Variants in PRKCG observed in about 807,000 individuals in gnomAD.
The protein encoded by PRKCG is protein kinase C gamma type.
Under a neutral mutation model 82.0 loss-of-function variants are expected in PRKCG, and 28 were observed. The ratio of observed to expected loss-of-function variants is 0.34; its 90% CI spans 0.25 to 0.47. The LOEUF (loss-of-function observed/expected upper bound fraction) is 0.47, where lower values mean the gene tolerates loss of function less well. Ranked by LOEUF, PRKCG falls within the 20% of genes least tolerant of loss-of-function variation. PRKCG has a pLI of 1.00. For missense variants in PRKCG, 640 were observed against 952.7 expected (o/e 0.67, Z 4.32); for synonymous variants, 383 against 376.6 (o/e 1.02, Z -0.20).
At chr19:53,901,215 G>C (rs73056747) in intron 14 of PRKCG, among the ~76,000 whole-genome samples, 12,470 of 152,110 alleles carry the variant, frequency 0.082, 1,351 homozygotes, top group African/African-American at 0.24. Context: ...TTTCTCTGAT[G>C]TAAGTGTACT....
chr19:53,902,815 G>A (rs926846140), intron 14 of PRKCG, among the ~76,000 whole-genome samples: 4 of 145,290 alleles, frequency 2.8e-5, no homozygotes, highest in African/African-American at 1.0e-4. Context: ...AATTACCTGA[G>A]CCTGGGAAGT....
intron 9 of PRKCG, 108 bp downstream of exon 9, chr19:53,893,499 C>G (rs2068695454): frequency 1.6e-6 from 2 of 1,220,362 alleles, no homozygotes; most frequent in South Asian, 2.4e-5. Context: ...GTTGAGCACA[C>G]ATTTGTGCTA....
rs765595350 is a variant in PRKCG at position 53,889,763 on chromosome 19, G to T, written c.397+14G>T. The T allele has an allele frequency of 3.1e-6, 5 of 1,612,088 alleles. No homozygotes were observed. The Admixed American group carries it at 8.4e-5, about 27-fold the overall frequency. ...TGAAATGCTCCTGTGAGTGACCTGG[G>T]CCTTGCCAGGGCCCTTCCAAAGCGC... is the stretch of plus-strand genomic sequence containing the variant. On this transcript the variant is annotated intron_variant, in intron 4 of 17. Coordinates refer to ENST00000263431, the MANE Select transcript of PRKCG (RefSeq NM_002739.5). The surrounding 1 kb of genome is among the most constrained non-coding windows in gnomAD (Gnocchi z 4.4).
Position 53,906,419 on chromosome 19 carries a change from G to A in PRKCG, c.1867G>A (p.Glu623Lys). 2 of 1,573,878 alleles carry A rather than the reference G, an allele frequency of 1.3e-6. No homozygotes were observed. Among genetic ancestry groups the A allele is most frequent in the Non-Finnish European group, 1.7e-6 (2 of 1,158,994 alleles). The change falls in exon 17 of 18, where the codon GAA (glutamate) becomes AAA (lysine). Residue 623 changes from glutamate to lysine, a missense_variant. Around this residue, in one of 7 missense-constraint regions of PRKCG, gnomAD observed 198 missense variants for 273.4 expected, o/e 0.72. Transcript: ENST00000263431. ...FFRWIDWERL[E>K]RLEIPPPFRP... ...CCGCTGGATTGACTGGGAGCGGCTG[G>A]AACGATTGGAGATCCCGCCTCCTTT...
Position 53,900,864 on chromosome 19 carries a change from G to A in PRKCG, c.1575+115G>A. 6.5e-7 allele frequency: 1 copy of A among 1,546,862 alleles called. No homozygotes were observed. Among genetic ancestry groups the A allele is most frequent in the Non-Finnish European group, 8.8e-7 (1 of 1,130,992 alleles). On this transcript the variant is annotated intron_variant, in intron 14 of 17. Transcript: ENST00000263431. This position sits in a 1 kb window ranked among gnomAD's most constrained non-coding sequence, Gnocchi z 4.2. ...CCCTCAGACCTTGTCATGAGTTGTG[G>A]CCTTCTTACACAGCCAGTCGTTCCT...
intron 8 of PRKCG, 37 bp downstream of exon 8, chr19:53,893,112 C>A: frequency 6.3e-7 from 1 of 1,578,564 alleles, no homozygotes; most frequent in Non-Finnish European, 8.7e-7. Flanking sequence ...GAGCCCAGCC[C>A]AGCCTCCCAC....
In PRKCG at chr19:53,884,297, C is replaced by G. The variant is rs1355583909; in HGVS notation, c.285+54C>G. On this transcript the variant is annotated intron_variant, in intron 3 of 17. Transcript: ENST00000263431. This position sits in a 1 kb window ranked among gnomAD's most constrained non-coding sequence, Gnocchi z 4.6. ...CTCGGGCCGTGCCCCCGCCCTCACCCCCTCGGCGTCCGTCCCAATTTCTCC... is the reference window on the plus strand; with the variant it reads ...CTCGGGCCGTGCCCCCGCCCTCACCGCCTCGGCGTCCGTCCCAATTTCTCC... 1.4e-5 allele frequency: 21 copies of G among 1,511,400 alleles called. 1 individual carries two copies. Among genetic ancestry groups the G allele is most frequent in the South Asian group, 9.0e-5 (8 of 88,996 alleles). The allele number at this position is 1,511,400 out of a possible 1,614,324, so 93.6% of individuals were successfully genotyped here.
chr19:53,904,706 G>A lies in PRKCG; in HGVS notation c.1728G>A (p.Lys576=). The A allele has an allele frequency of 6.2e-7, 1 of 1,613,938 alleles. No individual in the cohort carries two copies. Among genetic ancestry groups the A allele is most frequent in the Non-Finnish European group, 8.5e-7 (1 of 1,179,990 alleles). Reference sequence around the variant, plus strand: ...TGGAACAAACTGTCACCTACCCCAAGTCGCTTTCCCGGGAAGCCGTGGCCA... The same window carrying A: ...TGGAACAAACTGTCACCTACCCCAAATCGCTTTCCCGGGAAGCCGTGGCCA... ...AIMEQTVTYP[K]SLSREAVAIC... Residue 576 remains lysine (K), a synonymous_variant, in exon 16 of 18, where the codon AAG becomes AAA. Transcript: ENST00000263431.
rs891954158 is a variant in PRKCG, at chr19:53,884,087, A to G, written c.203-74A>G. ...GTCCGAGTTCCGCTCTCTCTTTCCA[A>G]TTTTCTGTCTGCTGGGGTCTCCCGC... On this transcript the variant is annotated intron_variant, in intron 2 of 17. Coordinates refer to ENST00000263431, the MANE Select transcript of PRKCG (RefSeq NM_002739.5). This position sits in a 1 kb window ranked among gnomAD's most constrained non-coding sequence, Gnocchi z 4.6. 11 of 1,466,222 alleles carry G rather than the reference A, an allele frequency of 7.5e-6. No individual in the cohort carries two copies. The highest frequency in any genetic ancestry group is 2.3e-5 in the East Asian group (1 of 44,086). 90.8% of individuals were successfully genotyped at this position (1,466,222 alleles called of 1,614,324 possible).
At position 53,884,073 on chromosome 19, in the gene PRKCG, G is replaced by A. The variant is rs866468199; in HGVS notation, c.203-88G>A. ...CTGGTTTTCTCAGTGTCCGAGTTCC[G>A]CTCTCTCTTTCCAATTTTCTGTCTG... On this transcript the variant is annotated intron_variant, in intron 2 of 17. Coordinates refer to ENST00000263431, the MANE Select transcript of PRKCG (RefSeq NM_002739.5). The surrounding 1 kb of genome is among the most constrained non-coding windows in gnomAD (Gnocchi z 4.6). The A allele has an allele frequency of 4.6e-6, 6 of 1,299,178 alleles. No individual in the cohort carries two copies. Among genetic ancestry groups the A allele is most frequent in the Admixed American group, 1.7e-5 (1 of 58,826 alleles). The allele number at this position is 1,299,178 out of a possible 1,614,324, so 80.5% of individuals were successfully genotyped here.
Position 53,891,773 on chromosome 19 carries a change from A to G in PRKCG, c.629A>G (p.Gln210Arg), listed in dbSNP as rs373274609. Reference sequence around the variant, plus strand: ...CCAGACCCTCGGAACCTGACGAAACAGAAGACCCGAACGGTGAAAGCCACG... The same window carrying G: ...CCAGACCCTCGGAACCTGACGAAACGGAAGACCCGAACGGTGAAAGCCACG... ...LIPDPRNLTK[Q>R]KTRTVKATLN... The change falls in exon 6 of 18, where the codon CAG (glutamine) becomes CGG (arginine). Residue 210 changes from glutamine to arginine, a missense_variant. Physicochemically the swap from Gln to Arg is conservative, Grantham distance 43. This residue lies in a region of PRKCG where 261 missense variants were observed against 312.1 expected (regional missense o/e 0.84). Transcript: ENST00000263431. 121 of 1,614,024 alleles carry G rather than the reference A, an allele frequency of 7.5e-5. No homozygotes were observed. Among genetic ancestry groups the G allele is most frequent in the Non-Finnish European group, 9.8e-5 (116 of 1,180,026 alleles).
rs776740041 is a variant in PRKCG, at chr19:53,889,868, C to T, written c.398-18C>T. The stretch of plus-strand genomic sequence containing the variant: ...TGGGGGCGGGGCCTGAGGTGCTACC[C>T]GCAGCTTTCCCCTCCAGGCTGCGAG... On this transcript the variant is annotated intron_variant, in intron 4 of 17. Coordinates refer to ENST00000263431, the MANE Select transcript of PRKCG (RefSeq NM_002739.5). This position sits in a 1 kb window ranked among gnomAD's most constrained non-coding sequence, Gnocchi z 4.4. 1 of 1,576,360 alleles carries T rather than the reference C, an allele frequency of 6.3e-7. No individual in the cohort carries two copies. Among genetic ancestry groups the T allele is most frequent in the Admixed American group, 1.8e-5 (1 of 54,786 alleles).
At chr19:53,897,457 T>G (rs1463800512) in intron 9 of PRKCG, among the ~76,000 whole-genome samples, 1 of 152,198 alleles carries the variant, frequency 6.6e-6, no homozygotes, top group African/African-American at 2.4e-5. Context: ...CACATAACGA[T>G]TCTCAGGTCC....
At position 53,900,350 on chromosome 19, in the gene PRKCG, T is replaced by C. The variant is rs1599951508; in HGVS notation, c.1373+26T>C. On this transcript the variant is annotated intron_variant, in intron 12 of 17. Transcript: ENST00000263431. This position sits in a 1 kb window ranked among gnomAD's most constrained non-coding sequence, Gnocchi z 4.2. The stretch of plus-strand genomic sequence containing the variant: ...GTGAGTCTCGGCCAACAGAGAATGG[T>C]CGGGGTGGTGGAAGGGGGCAGGATC... 6.2e-7 allele frequency: 1 copy of C among 1,613,778 alleles called. No homozygotes were observed. The highest frequency in any genetic ancestry group is 8.5e-7 in the Non-Finnish European group (1 of 1,179,868).
At position 53,904,971 on chromosome 19, in the gene PRKCG, C is replaced by T. The variant is rs575236246; in HGVS notation, c.1764+229C>T. 2.6e-5 allele frequency among the ~76,000 whole-genome samples: 4 copies of T among 152,332 alleles called. No homozygotes were observed. In the East Asian group the frequency reaches 7.7e-4, roughly 29 times the overall value. Reference sequence around the variant, plus strand: ...CTTCTCTGTGACTCCCACTCCCCAGCTCCCTGCTTGCAGGAAGTGCTGAAA... The same window carrying T: ...CTTCTCTGTGACTCCCACTCCCCAGTTCCCTGCTTGCAGGAAGTGCTGAAA... On this transcript the variant is annotated intron_variant, in intron 16 of 17. Coordinates refer to ENST00000263431, the MANE Select transcript of PRKCG (RefSeq NM_002739.5).
chr19:53,906,294 G>C (rs1568764263), intron 16 of PRKCG, 23 bp from the exon 17 acceptor site: 2 of 1,550,956 alleles, frequency 1.3e-6, no homozygotes, highest in African/African-American at 1.4e-5. Context: ...TTGTCTGTCT[G>C]TCTCTCTCTG....
rs779522787 is a variant in PRKCG, at chr19:53,893,356, T to C, written c.910-6T>C. 6.2e-7 allele frequency: 1 copy of C among 1,613,414 alleles called. No individual in the cohort carries two copies. The highest frequency in any genetic ancestry group is 8.5e-7 in the Non-Finnish European group (1 of 1,179,330). ...GGACCCTGACTCTCTCTTTCTTTTC[T>C]CCCAGGCTTGTAACTACCCCCTGGA... On this transcript the variant is annotated splice_polypyrimidine_tract_variant and splice_region_variant and intron_variant, in intron 8 of 17. Transcript: ENST00000263431.
chr19:53,897,874 C>T (rs1182017119), intron 9 of PRKCG, 85 bp from the exon 10 acceptor site: 1 of 1,584,430 alleles, frequency 6.3e-7, no homozygotes, highest in Non-Finnish European at 8.6e-7. Flanking sequence ...CCTTTCCTTT[C>T]TTGGGTGCTG....
chr19:53,883,551 GACA>G lies in PRKCG; in HGVS notation c.202+361_202+363del, dbSNP rs1219770985. ...CCCCACCCCAGGCTGCCGTCGCCAT[GACA>G]ACACCAGCCGTCCTAGGCAGGGGCA... On this transcript the variant is annotated intron_variant, in intron 2 of 17. Coordinates refer to ENST00000263431, the MANE Select transcript of PRKCG (RefSeq NM_002739.5). The surrounding 1 kb of genome is among the most constrained non-coding windows in gnomAD (Gnocchi z 5.4). 4.0e-5 allele frequency among the ~76,000 whole-genome samples: 6 copies of G among 151,178 alleles called. No homozygotes were observed. Among genetic ancestry groups the G allele is most frequent in the Non-Finnish European group, 8.8e-5 (6 of 67,804 alleles).
Sources: allele counts gnomAD v4.1 joint callset (sites outside exome capture counted in the v4.1 genomes callset), GRCh38; gene constraint gnomAD v4.1.1; regional missense constraint gnomAD v4.1.1; non-coding constraint Gnocchi (gnomAD v3.1); transcripts MANE v1.5; gene names NCBI Gene and HGNC (gene_info 2026-07-23, HGNC 2026-07-21).